Variants in TMEM178B observed in about 807,000 individuals in gnomAD.
TMEM178B encodes the protein transmembrane protein 178B.
A neutral mutation model predicts 31.0 loss-of-function variants in TMEM178B; 5 were observed. The observed-to-expected ratio is 0.16, with a 90% CI of 0.08 to 0.34. TMEM178B has a LOEUF of 0.34. TMEM178B is among the 10% of genes least tolerant of loss of function. TMEM178B has a pLI of 1.00. For synonymous variants in TMEM178B, 164 were observed against 164.0 expected (o/e 1.00, Z 0.00); for missense variants, 275 against 400.3 (o/e 0.69, Z 2.67).
intron 3 of TMEM178B, among the ~76,000 whole-genome samples, chr7:141,445,367 C>T (rs1276520517): frequency 6.6e-6 from 1 of 152,158 alleles, no homozygotes; most frequent in Non-Finnish European, 1.5e-5. Flanking sequence ...GCCTGGAGGA[C>T]TGTTTCTTTT....
At chr7:141,271,549 C>T (rs1798183697) in intron 2 of TMEM178B, among the ~76,000 whole-genome samples, 1 of 152,168 alleles carries the variant, frequency 6.6e-6, no homozygotes, top group Non-Finnish European at 1.5e-5. Flanking sequence ...TCCTGAATCA[C>T]TCCCTTACAT....
At chr7:141,383,687 T>A (rs1220391933) in intron 2 of TMEM178B, among the ~76,000 whole-genome samples, 1 of 152,284 alleles carries the variant, frequency 6.6e-6, no homozygotes, top group South Asian at 2.1e-4. Context: ...ATACGTGTGC[T>A]TGTATCTTTA....
In TMEM178B at chr7:141,417,535, A is replaced by G. The variant is rs1442265890; in HGVS notation, c.497-20073A>G. On this transcript the variant is annotated intron_variant, in intron 2 of 3. Transcript: ENST00000565468. ...GAATGGGCACTAAGTGAGGGGTCCC[A>G]CCCACGGTGATGCTACATGATTGGC... Among the ~76,000 whole-genome samples, 3 of 152,216 alleles carry G rather than the reference A, an allele frequency of 2.0e-5. No homozygotes were observed. The East Asian group carries it at 5.8e-4, about 29-fold the overall frequency.
intron 1 of TMEM178B, among the ~76,000 whole-genome samples, chr7:141,204,483 A>G (rs1019105050): frequency 6.6e-6 from 1 of 152,180 alleles, no homozygotes; most frequent in African/African-American, 2.4e-5. Context: ...AGGAGCGTCC[A>G]CTGCAGCTTC....
At chr7:141,387,886 A>G (rs1052373759) in intron 2 of TMEM178B, among the ~76,000 whole-genome samples, 18 of 152,082 alleles carry the variant, frequency 1.2e-4, no homozygotes, top group African/African-American at 4.3e-4. Flanking sequence ...CTTGGTGGTC[A>G]TCCTGTCGGC....
intron 2 of TMEM178B, among the ~76,000 whole-genome samples, chr7:141,373,431 G>A (rs1231686349): frequency 2.6e-5 from 4 of 152,342 alleles, no homozygotes; most frequent in East Asian, 1.9e-4. Flanking sequence ...AATACACTAC[G>A]AGACTGAGAT....
At chr7:141,126,822 G>T (rs1305328289) in intron 1 of TMEM178B, among the ~76,000 whole-genome samples, 1 of 151,890 alleles carries the variant, frequency 6.6e-6, no homozygotes, top group South Asian at 2.1e-4. Flanking sequence ...TTTTGAGACC[G>T]AAACTAACCA....
chr7:141,429,002 C>T (rs1420018562), intron 2 of TMEM178B, among the ~76,000 whole-genome samples: 1 of 151,890 alleles, frequency 6.6e-6, no homozygotes, highest in African/African-American at 2.4e-5. Flanking sequence ...AGAATGGCTA[C>T]TATAACAAAG....
intron 1 of TMEM178B, among the ~76,000 whole-genome samples, chr7:141,142,766 G>A (rs1412082663): frequency 2.0e-5 from 3 of 152,214 alleles, no homozygotes; most frequent in Admixed American, 1.3e-4. Context: ...TCAAATGGTA[G>A]CTCTCTTTTA....
chr7:141,126,821 C>T lies in TMEM178B; in HGVS notation c.382+52129C>T, dbSNP rs559203991. On this transcript the variant is annotated intron_variant, in intron 1 of 3. Coordinates refer to ENST00000565468, the MANE Select transcript of TMEM178B (RefSeq NM_001195278.2). ...AAAAACCCTGGGGGAATTTTGAGAC[C>T]GAAACTAACCATCTCCTCTTTGGTA... is the stretch of plus-strand genomic sequence containing the variant. Among the ~76,000 whole-genome samples the T allele has an allele frequency of 5.3e-4, 80 of 150,928 alleles. No homozygotes were observed. In the South Asian group the frequency reaches 0.014, roughly 27 times the overall value.
chr7:141,344,590 TCC>T lies in TMEM178B; in HGVS notation c.497-93017_497-93016del, dbSNP rs1799581091. On this transcript the variant is annotated intron_variant, in intron 2 of 3. Coordinates refer to ENST00000565468, the MANE Select transcript of TMEM178B (RefSeq NM_001195278.2). The surrounding 1 kb of genome is among the most constrained non-coding windows in gnomAD (Gnocchi z 4.1). Reference sequence around the variant, plus strand: ...CTCCCTCCTCCCTTCCTTCCTTCCTTCCTTCCTTCCTTCCTTCCTTCCTTCCT... The same window carrying T: ...CTCCCTCCTCCCTTCCTTCCTTCCTTTTCCTTCCTTCCTTCCTTCCTTCCT... 7.9e-6 allele frequency among the ~76,000 whole-genome samples: 1 copy of T among 127,364 alleles called. No homozygotes were observed. Among genetic ancestry groups the T allele is most frequent in the Non-Finnish European group, 1.7e-5 (1 of 59,398 alleles). The allele number at this position is 127,364 out of a possible 152,430, so 83.6% of individuals were successfully genotyped here.
intron 1 of TMEM178B, among the ~76,000 whole-genome samples, chr7:141,078,649 A>G (rs577433972): frequency 6.6e-6 from 1 of 152,172 alleles, no homozygotes; most frequent in Non-Finnish European, 1.5e-5. Context: ...AGAGAAAGTG[A>G]TGGTGGATTG....
intron 2 of TMEM178B, among the ~76,000 whole-genome samples, chr7:141,436,673 C>T (rs188831334): frequency 7.9e-5 from 12 of 151,986 alleles, no homozygotes; most frequent in African/African-American, 2.7e-4. Context: ...GGGTAGGGGG[C>T]TTGAGAGCAG....
At chr7:141,306,647 G>A (rs1208755959) in intron 2 of TMEM178B, among the ~76,000 whole-genome samples, 1 of 147,662 alleles carries the variant, frequency 6.8e-6, no homozygotes, top group African/African-American at 2.5e-5. Context: ...TGGTCTCTCT[G>A]GTCTCCTTAA....
intron 2 of TMEM178B, among the ~76,000 whole-genome samples, chr7:141,392,668 C>T (rs566850433): frequency 2.8e-4 from 42 of 152,110 alleles, no homozygotes; most frequent in African/African-American, 8.7e-4. Context: ...TTTTCCAAAC[C>T]GGAATACAGT....
At chr7:141,454,076 TTC>T (rs971219660) in intron 3 of TMEM178B, among the ~76,000 whole-genome samples, 10 of 152,240 alleles carry the variant, frequency 6.6e-5, no homozygotes, top group African/African-American at 2.4e-4. Context: ...TTCTTGAAGT[TTC>T]TGCCACACTC....
intron 2 of TMEM178B, among the ~76,000 whole-genome samples, chr7:141,428,757 C>T (rs1311275026): frequency 6.6e-6 from 1 of 152,210 alleles, no homozygotes; most frequent in Non-Finnish European, 1.5e-5. Flanking sequence ...TCTCAAGTTG[C>T]CCGCTAGGCC....
At chr7:141,096,139 T>G (rs1448791456) in intron 1 of TMEM178B, among the ~76,000 whole-genome samples, 2 of 152,222 alleles carry the variant, frequency 1.3e-5, no homozygotes, top group Non-Finnish European at 2.9e-5. Context: ...GGTAAATATT[T>G]AATAGAGTAG....
chr7:141,426,175 C>T (rs1024248147), intron 2 of TMEM178B, among the ~76,000 whole-genome samples: 26 of 152,260 alleles, frequency 1.7e-4, no homozygotes, highest in South Asian at 1.5e-3. Context: ...GAAGTGGATC[C>T]GCTCTCCTCA....
Sources: gnomAD v4.1 joint callset for allele counts (sites outside exome capture counted in the v4.1 genomes callset) on GRCh38, gnomAD v4.1.1 for gene constraint, Gnocchi (gnomAD v3.1) non-coding constraint, MANE v1.5 for transcripts, NCBI Gene and HGNC (gene_info 2026-07-23, HGNC 2026-07-21) for gene names.